The following SEMA5A variants were observed in gnomAD, a reference collection of about 807,000 sequenced individuals.
SEMA5A encodes semaphorin 5A.
A neutral mutation model predicts 135.5 loss-of-function variants in SEMA5A; 55 were observed. That is an observed-to-expected ratio of 0.41 (90% confidence interval 0.33 to 0.51). The LOEUF (loss-of-function observed/expected upper bound fraction) is 0.51. Among genes scored for constraint, SEMA5A ranks in the 20% least tolerant of loss-of-function variants. The probability of loss-of-function intolerance (pLI) is 0.37; values close to 1 mark genes in which losing one functional copy is unlikely to be tolerated. For missense variants in SEMA5A, 1,290 were observed against 1,419.9 expected (o/e 0.91, Z 1.47); for synonymous variants, 580 against 546.5 (o/e 1.06, Z -0.85).
intron 13 of SEMA5A, among the ~76,000 whole-genome samples, chr5:9,125,709 T>G (rs1376240292): frequency 6.6e-6 from 1 of 152,050 alleles, no homozygotes; most frequent in Non-Finnish European, 1.5e-5. Flanking sequence ...GAAAAGACAG[T>G]GCCTACTCTG....
At chr5:9,063,367 A>G (rs1737287901) in intron 17 of SEMA5A, among the ~76,000 whole-genome samples, 1 of 152,186 alleles carries the variant, frequency 6.6e-6, no homozygotes, top group South Asian at 2.1e-4. Flanking sequence ...TACACAGTAA[A>G]TAATAGATTC....
intron 8 of SEMA5A, among the ~76,000 whole-genome samples, chr5:9,220,348 A>G (rs1312834591): frequency 1.3e-5 from 2 of 152,110 alleles, no homozygotes; most frequent in Non-Finnish European, 2.9e-5. Flanking sequence ...CCCAGAAATT[A>G]TTGGAATAGA....
intron 1 of SEMA5A, among the ~76,000 whole-genome samples, chr5:9,441,507 C>T (rs1202482895): frequency 1.3e-5 from 2 of 151,662 alleles, no homozygotes; most frequent in African/African-American, 4.8e-5. Flanking sequence ...GAAACCCCAC[C>T]ACGGAGCCCA....
chr5:9,158,584 G>C (rs1743079853), intron 11 of SEMA5A, among the ~76,000 whole-genome samples: 1 of 151,908 alleles, frequency 6.6e-6, no homozygotes, highest in African/African-American at 2.4e-5. Flanking sequence ...AGGTGGAGCT[G>C]CAGAATCAGT....
In SEMA5A at chr5:9,258,327, G is replaced by T. The variant is rs544061813; in HGVS notation, c.271-20437C>A. On this transcript the variant is annotated intron_variant, in intron 5 of 22. Coordinates refer to ENST00000382496, the MANE Select transcript of SEMA5A (RefSeq NM_003966.3). Reference sequence around the variant, plus strand: ...ACATCTTGGCCATTGGGTTACAAATGAATTGATCAAACTTACTTTGTCTTG... The same window carrying T: ...ACATCTTGGCCATTGGGTTACAAATTAATTGATCAAACTTACTTTGTCTTG... Among the ~76,000 whole-genome samples the T allele has an allele frequency of 2.6e-5, 4 of 152,284 alleles. No individual in the cohort carries two copies. The South Asian group carries it at 8.3e-4, about 32-fold the overall frequency.
At chr5:9,048,319 C>T (rs948515479) in intron 21 of SEMA5A, among the ~76,000 whole-genome samples, 1 of 152,204 alleles carries the variant, frequency 6.6e-6, no homozygotes, top group South Asian at 2.1e-4. Flanking sequence ...GGGCCAGTGA[C>T]ATCATCCCTC....
At chr5:9,068,789 G>A (rs1278150778) in intron 16 of SEMA5A, among the ~76,000 whole-genome samples, 2 of 152,288 alleles carry the variant, frequency 1.3e-5, no homozygotes, top group African/African-American at 4.8e-5. Flanking sequence ...GGGTCCCCAA[G>A]ATCCCTCCAG....
intron 1 of SEMA5A, among the ~76,000 whole-genome samples, chr5:9,478,813 T>A (rs1434738124): frequency 6.6e-6 from 1 of 152,138 alleles, no homozygotes. Flanking sequence ...CTGGAATGAG[T>A]TAAGACTTTG....
At chr5:9,090,631 C>A (rs1173163883) in intron 16 of SEMA5A, among the ~76,000 whole-genome samples, 3 of 152,224 alleles carry the variant, frequency 2.0e-5, no homozygotes, top group African/African-American at 7.2e-5. Flanking sequence ...ATGTGTTTCA[C>A]ACAATGCCTA....
At chr5:9,200,248 C>T (rs1745631722) in intron 9 of SEMA5A, among the ~76,000 whole-genome samples, 1 of 152,194 alleles carries the variant, frequency 6.6e-6, no homozygotes, top group African/African-American at 2.4e-5. Flanking sequence ...TGGGAATTTG[C>T]AACACTAAAC....
At chr5:9,330,995 G>C (rs951315586) in intron 4 of SEMA5A, among the ~76,000 whole-genome samples, 9 of 152,140 alleles carry the variant, frequency 5.9e-5, no homozygotes, top group African/African-American at 2.2e-4. Context: ...TTCCCACAAT[G>C]GGGTTCTACT....
chr5:9,541,154 G>A (rs1213671727), intron 1 of SEMA5A, among the ~76,000 whole-genome samples: 6 of 152,050 alleles, frequency 3.9e-5, no homozygotes, highest in South Asian at 2.1e-4. Context: ...ATTGTCACTC[G>A]CCTATAACTT....
chr5:9,458,401 G>T (rs1420439456), intron 1 of SEMA5A, among the ~76,000 whole-genome samples: 1 of 152,154 alleles, frequency 6.6e-6, no homozygotes, highest in Non-Finnish European at 1.5e-5. Context: ...TTGAAATAAT[G>T]TAGAACCCAT....
At chr5:9,416,865 A>G (rs1757300571) in intron 2 of SEMA5A, among the ~76,000 whole-genome samples, 1 of 152,200 alleles carries the variant, frequency 6.6e-6, no homozygotes, top group Non-Finnish European at 1.5e-5. Flanking sequence ...CCTCACTGAC[A>G]AGAAGGGATT....
At position 9,438,507 on chromosome 5, in the gene SEMA5A, C is replaced by T. The variant is rs534749998; in HGVS notation, c.-174-655G>A. Among the ~76,000 whole-genome samples, 12 of 152,266 alleles carry T rather than the reference C, an allele frequency of 7.9e-5. No individual in the cohort carries two copies. In the South Asian group the frequency reaches 2.3e-3, roughly 29 times the overall value. On this transcript the variant is annotated intron_variant, in intron 1 of 22. Coordinates refer to ENST00000382496, the MANE Select transcript of SEMA5A (RefSeq NM_003966.3). Reference sequence around the variant, plus strand: ...TTGTCATTGGATGGAAAGATGACCACGAAACGCCAGCCTCCCTAGAAACAT... The same window carrying T: ...TTGTCATTGGATGGAAAGATGACCATGAAACGCCAGCCTCCCTAGAAACAT...
At chr5:9,518,042 C>G (rs1010786438) in intron 1 of SEMA5A, 1 of 152,070 alleles carries the variant, frequency 6.6e-6, no homozygotes, top group African/African-American at 2.4e-5. Context: ...AAATGACTTG[C>G]AATTCACAAA....
intron 4 of SEMA5A, among the ~76,000 whole-genome samples, chr5:9,320,286 C>T (rs923067532): frequency 1.3e-5 from 2 of 152,212 alleles, no homozygotes; most frequent in Non-Finnish European, 2.9e-5. Context: ...TTTCAGGAAA[C>T]ATTCCCCTGT....
At chr5:9,488,106 G>C (rs1734820981) in intron 1 of SEMA5A, among the ~76,000 whole-genome samples, 1 of 152,166 alleles carries the variant, frequency 6.6e-6, no homozygotes, top group African/African-American at 2.4e-5. Flanking sequence ...GGAAGAAGCT[G>C]GTTACCCCAT....
In SEMA5A at chr5:9,322,031, A is replaced by C. The variant is rs565780573; in HGVS notation, c.225-3614T>G. ...AGATCAAGCAGAGAGCTCTCTGTCT[A>C]CTTGGAGAGGGGAGTGGAGGAGACA... On this transcript the variant is annotated intron_variant, in intron 4 of 22. Coordinates refer to ENST00000382496, the MANE Select transcript of SEMA5A (RefSeq NM_003966.3). Among the ~76,000 whole-genome samples, 15 of 152,304 alleles carry C rather than the reference A, an allele frequency of 9.8e-5. No homozygotes were observed. In the South Asian group the frequency reaches 1.0e-3, roughly 11 times the overall value.
Sources: allele counts gnomAD v4.1 joint callset (sites outside exome capture counted in the v4.1 genomes callset), GRCh38; gene constraint gnomAD v4.1.1; transcripts MANE v1.5; gene names NCBI Gene and HGNC (gene_info 2026-07-23, HGNC 2026-07-21).